SLC38A11: variants seen among roughly 807,000 people sequenced by gnomAD.
SLC38A11 encodes the protein solute carrier family 38 member 11.
SLC38A11 carries 51 observed loss-of-function variants against 49.4 expected under a neutral mutation model. The observed-to-expected ratio is 1.03, with a 90% CI of 0.83 to 1.30. SLC38A11 has a LOEUF of 1.30. Among genes scored for constraint, SLC38A11 ranks in the 50% most tolerant of loss-of-function variants. The probability of loss-of-function intolerance (pLI) is 0.00; values close to 1 mark genes in which losing one functional copy is unlikely to be tolerated. For synonymous variants in SLC38A11, 203 were observed against 192.9 expected (o/e 1.05, Z -0.43); for missense variants, 574 against 556.2 (o/e 1.03, Z -0.32).
chr2:164,910,554 A>C (rs530165438), intron 10 of SLC38A11, among the ~76,000 whole-genome samples: 22 of 152,090 alleles, frequency 1.4e-4, no homozygotes, highest in Admixed American at 4.6e-4. Context: ...GCTAGTTGTA[A>C]AGGACATACA....
intron 10 of SLC38A11, among the ~76,000 whole-genome samples, chr2:164,909,373 G>T (rs1233848639): frequency 1.3e-5 from 2 of 151,988 alleles, no homozygotes; most frequent in African/African-American, 4.8e-5. Context: ...CCCATATTAT[G>T]ATATGGTTTG....
Position 164,937,425 on chromosome 2 carries a change from G to GAGACC in SLC38A11, c.538-1_541dup (p.Ser181TrpfsTer9), listed in dbSNP as rs759044928. ...AGTTGTTAAACCTGTAGAGATGAGG[G>GAGACC]AGACCTGTAAAAGAAAATACAAGGA... is the stretch of plus-strand genomic sequence containing the variant. On this transcript the variant is annotated frameshift_variant, in exon 7 of 12. Transcript: ENST00000685975. LOFTEE classifies it high-confidence loss of function. 4.4e-6 allele frequency: 7 copies of GAGACC among 1,602,076 alleles called. No individual in the cohort carries two copies. Among genetic ancestry groups the GAGACC allele is most frequent in the Non-Finnish European group, 5.1e-6 (6 of 1,170,354 alleles).
At chr2:164,900,659 T>G (rs1684592265) in intron 11 of SLC38A11, among the ~76,000 whole-genome samples, 1 of 152,134 alleles carries the variant, frequency 6.6e-6, no homozygotes. Flanking sequence ...ATCATTTTTC[T>G]GCTATTGAGT....
At chr2:164,907,270 C>CTTTTTTTTTTTTTTT (rs60527900) in intron 11 of SLC38A11, among the ~76,000 whole-genome samples, 14 of 97,916 alleles carry the variant, frequency 1.4e-4, no homozygotes, top group South Asian at 8.9e-4. Context: ...CTTCTTTTCT[C>CTTTTTTTTTTTTTTT]TTTTTTTTTT....
At chr2:164,932,399 T>A (rs1299944656) in intron 7 of SLC38A11, among the ~76,000 whole-genome samples, 1 of 152,084 alleles carries the variant, frequency 6.6e-6, no homozygotes, top group Non-Finnish European at 1.5e-5. Flanking sequence ...GACCCAGCAA[T>A]CCCATTACTG....
intron 9 of SLC38A11, chr2:164,912,574 T>C (rs993090419): frequency 1.3e-5 from 2 of 152,124 alleles, no homozygotes; most frequent in Non-Finnish European, 2.9e-5. Flanking sequence ...ATTTCCTGTG[T>C]ATCATGCTAT....
chr2:164,935,508 A>G (rs560737759), intron 7 of SLC38A11, among the ~76,000 whole-genome samples: 4 of 126,626 alleles, frequency 3.2e-5, no homozygotes, highest in East Asian at 4.1e-4. Context: ...CATCTCTACA[A>G]AAAAAAAAAA....
rs555468556 is a variant in SLC38A11, at chr2:164,915,842, C to T, written c.688+61G>A. 30 of 1,251,394 alleles carry T rather than the reference C, an allele frequency of 2.4e-5. No individual in the cohort carries two copies. In the South Asian group the frequency reaches 4.3e-4, roughly 18 times the overall value. The allele number at this position is 1,251,394 out of a possible 1,614,324, so 77.5% of individuals were successfully genotyped here. A position where few individuals can be genotyped will look rare whatever the true frequency, so the allele number is the denominator to read the frequency against. ...ATCCAGACATAAATATGAAACACAG[C>T]ACTTTTTCATGGAACAGAGAACTCC... On this transcript the variant is annotated intron_variant, in intron 8 of 11. Transcript: ENST00000685975.
intron 11 of SLC38A11, among the ~76,000 whole-genome samples, chr2:164,900,402 T>G (rs961695127): frequency 6.6e-6 from 1 of 152,122 alleles, no homozygotes; most frequent in Non-Finnish European, 1.5e-5. Flanking sequence ...ACTATTCCAA[T>G]GTACATTCCC....
At chr2:164,898,789 G>A (rs1684471199) in intron 11 of SLC38A11, 59 bp from the exon 12 acceptor site, 1 of 1,498,868 alleles carries the variant, frequency 6.7e-7, no homozygotes, top group South Asian at 1.3e-5. Flanking sequence ...TCTTCGGACA[G>A]CTTTTAAAAG....
At chr2:164,907,874 T>C (rs914474851) in intron 11 of SLC38A11, 22 of 152,180 alleles carry the variant, frequency 1.4e-4, no homozygotes, top group Admixed American at 9.2e-4. Flanking sequence ...TGACTAGAGC[T>C]GAACATAAAT....
intron 7 of SLC38A11, among the ~76,000 whole-genome samples, chr2:164,930,733 C>T (rs1343064922): frequency 6.6e-6 from 1 of 152,040 alleles, no homozygotes; most frequent in Non-Finnish European, 1.5e-5. Flanking sequence ...TCTGAATAAA[C>T]TAGGAATTGA....
rs752314839 is a variant in SLC38A11, at chr2:164,898,602, C to T, written c.1224G>A (p.Val408=). Residue 408 remains valine, a synonymous_variant, in exon 12 of 12, where the codon GTG becomes GTA. Transcript: ENST00000685975. ...SCVMLPIGAV[V]MVFGFVMAIT... ...TAGCCATGACGAATCCAAAAACCAT[C>T]ACCACAGCACCAATGGGAAGCATGA... 4.3e-6 allele frequency: 7 copies of T among 1,613,500 alleles called. No homozygotes were observed. The Admixed American group carries it at 1.0e-4, about 23-fold the overall frequency.
chr2:164,934,263 TGAAA>T (rs1394396381), intron 7 of SLC38A11, among the ~76,000 whole-genome samples: 2 of 152,086 alleles, frequency 1.3e-5, no homozygotes, highest in Non-Finnish European at 2.9e-5. Context: ...TAAAAAATAC[TGAAA>T]GAAACAAGCG....
rs1379883522 is a variant in SLC38A11 at position 164,898,695 on chromosome 2, A to G, written c.1131T>C (p.Ile377=). Reference sequence around the variant, plus strand: ...ACAGTTTCAGATAACAGGCTGATGGAATGATAAAAATGAGGGGAGTTGCAC... The same window carrying G: ...ACAGTTTCAGATAACAGGCTGATGGGATGATAAAAATGAGGGGAGTTGCAC... The part of the protein sequence containing the change: ...VLCATPLIFI[I]PSACYLKLSE... Residue 377 remains isoleucine, a synonymous_variant, in exon 12 of 12, where the codon ATT becomes ATC. Coordinates refer to ENST00000685975, the MANE Select transcript of SLC38A11 (RefSeq NM_001351537.2). 2 of 1,613,280 alleles carry G rather than the reference A, an allele frequency of 1.2e-6. No individual in the cohort carries two copies. The highest frequency in any genetic ancestry group is 1.7e-6 in the Non-Finnish European group (2 of 1,179,636).
intron 11 of SLC38A11, among the ~76,000 whole-genome samples, chr2:164,899,016 G>C (rs2105439274): frequency 6.6e-6 from 1 of 152,122 alleles, no homozygotes; most frequent in South Asian, 2.1e-4. Flanking sequence ...GCAGATAATA[G>C]GACTGACTTC....
intron 2 of SLC38A11, among the ~76,000 whole-genome samples, chr2:164,953,936 T>C (rs1381574538): frequency 2.0e-5 from 3 of 152,144 alleles, no homozygotes; most frequent in Non-Finnish European, 4.4e-5. Flanking sequence ...TATAATGCAA[T>C]GCACTTTTAA....
chr2:164,908,881 C>T, intron 10 of SLC38A11, 110 bp from the exon 11 acceptor site: 9 of 1,216,660 alleles, frequency 7.4e-6, no homozygotes, highest in Non-Finnish European at 7.8e-6. Flanking sequence ...ACCAACAAGG[C>T]TATTAATCAA....
intron 3 of SLC38A11, among the ~76,000 whole-genome samples, chr2:164,948,917 A>C: frequency 6.8e-6 from 1 of 147,738 alleles, no homozygotes; most frequent in African/African-American, 2.5e-5. Context: ...ATAAATACTC[A>C]GAGGAAGTAT....
Sources: gnomAD v4.1 joint callset for allele counts (sites outside exome capture counted in the v4.1 genomes callset) on GRCh38, gnomAD v4.1.1 for gene constraint, MANE v1.5 for transcripts, NCBI Gene and HGNC (gene_info 2026-07-23, HGNC 2026-07-21) for gene names.